FBRSL1: variants seen among roughly 807,000 people sequenced by gnomAD.
FBRSL1 encodes the protein fibrosin-1-like protein.
A neutral mutation model predicts 89.6 loss-of-function variants in FBRSL1; 51 were observed. The observed-to-expected ratio is 0.57, with a 90% confidence interval of 0.45 to 0.72. The LOEUF is 0.72. Among genes scored for constraint, FBRSL1 ranks in the 30% least tolerant of loss-of-function variants. The pLI, the probability that FBRSL1 is intolerant of heterozygous loss-of-function variation, is 0.00. For synonymous variants in FBRSL1, 779 were observed against 681.1 expected, an observed-to-expected ratio of 1.14 and a Z score of -2.24; for missense variants, 1,618 against 1,451.8, an observed-to-expected ratio of 1.11 and a Z score of -1.86.
chr12:132,530,019 A>C (rs1216098184), intron 4 of FBRSL1, among the ~76,000 whole-genome samples: 1 of 152,128 alleles, frequency 6.6e-6, no homozygotes, highest in Admixed American at 6.5e-5. Flanking sequence ...CATGGTCATG[A>C]GTATGATGAC....
intron 4 of FBRSL1, among the ~76,000 whole-genome samples, chr12:132,542,853 A>G (rs2037380175): frequency 6.6e-6 from 1 of 152,220 alleles, no homozygotes; most frequent in Non-Finnish European, 1.5e-5. Context: ...CCGAAGCCAT[A>G]ATTAACACTT....
chr12:132,542,266 C>T (rs554820218), intron 4 of FBRSL1, among the ~76,000 whole-genome samples: 7 of 152,170 alleles, frequency 4.6e-5, no homozygotes, highest in Non-Finnish European at 7.3e-5. Flanking sequence ...CAGGGCCCCA[C>T]GGAGGACACA....
intron 4 of FBRSL1, among the ~76,000 whole-genome samples, chr12:132,543,091 G>T (rs2037402437): frequency 6.6e-6 from 1 of 152,192 alleles, no homozygotes; most frequent in Admixed American, 6.5e-5. Flanking sequence ...GCCTCTGAGG[G>T]ATGAGGGAAG....
chr12:132,506,574 T>C (rs2033713084), intron 1 of FBRSL1, among the ~76,000 whole-genome samples: 3 of 152,260 alleles, frequency 2.0e-5, no homozygotes, highest in Non-Finnish European at 2.9e-5. Flanking sequence ...CCTTGATTTG[T>C]TCCTGCTTTT....
chr12:132,501,168 C>T (rs906895637), intron 1 of FBRSL1, among the ~76,000 whole-genome samples: 7 of 152,190 alleles, frequency 4.6e-5, no homozygotes, highest in Admixed American at 4.6e-4. Context: ...GCCCTGAGGT[C>T]AGAAGTGGGT....
At chr12:132,561,279 C>G (rs558556366) in intron 5 of FBRSL1, among the ~76,000 whole-genome samples, 2 of 152,342 alleles carry the variant, frequency 1.3e-5, no homozygotes, top group South Asian at 2.1e-4. Context: ...CTGGATGGCC[C>G]CAGCCGCGCG....
intron 5 of FBRSL1, among the ~76,000 whole-genome samples, chr12:132,561,096 G>A (rs975776678): frequency 6.6e-6 from 1 of 152,214 alleles, no homozygotes. Context: ...CAGCCCTCCC[G>A]GATGGGCGTG....
intron 10 of FBRSL1, 81 bp from the exon 11 acceptor site, chr12:132,572,446 A>G: frequency 1.3e-6 from 2 of 1,501,546 alleles, no homozygotes; most frequent in Non-Finnish European, 9.1e-7. Flanking sequence ...CCCCTGCTGC[A>G]TTGGTGCCAC....
chr12:132,551,938 G>A (rs954138679), intron 5 of FBRSL1: 2 of 298,082 alleles, frequency 6.7e-6, no homozygotes, highest in African/African-American at 4.3e-5. Context: ...CACCTCCAGG[G>A]ATGGCTGTCT....
At chr12:132,491,759 T>G (rs2031019482) in intron 1 of FBRSL1, among the ~76,000 whole-genome samples, 1 of 152,266 alleles carries the variant, frequency 6.6e-6, no homozygotes, top group Admixed American at 6.5e-5. Flanking sequence ...GCAAGTCCTC[T>G]TCAAGTTCTC....
In FBRSL1 at chr12:132,576,945, C is replaced by CAG. The variant is rs768495913; in HGVS notation, c.1834+14_1834+15insAG. Reference sequence around the variant, plus strand: ...TCCCCAGCACAGGTGAGACTGGAGTCGGGCCAGGTGGGGGGCACAGAAACC... The same window carrying CAG: ...TCCCCAGCACAGGTGAGACTGGAGTCAGGGGCCAGGTGGGGGGCACAGAAACC... On this transcript the variant is annotated intron_variant, in intron 15 of 18. Coordinates refer to ENST00000680143, the MANE Select transcript of FBRSL1 (RefSeq NM_001367871.1). 65 of 1,544,036 alleles carry CAG rather than the reference C, an allele frequency of 4.2e-5. No homozygotes were observed. The African/African-American group carries it at 8.6e-4, about 21-fold the overall frequency.
intron 9 of FBRSL1, chr12:132,571,553 C>T (rs934662174): frequency 3.6e-5 from 48 of 1,338,378 alleles, no homozygotes; most frequent in East Asian, 1.3e-4. Context: ...TGGCAGGGGG[C>T]GGGGGCGGGC....
intron 18 of FBRSL1, among the ~76,000 whole-genome samples, 165 bp from the exon 19 acceptor site, chr12:132,582,806 C>T (rs1026281684): frequency 2.6e-5 from 4 of 152,016 alleles, no homozygotes; most frequent in African/African-American, 4.8e-5. Flanking sequence ...GGGGAGAGGA[C>T]GCGTAGGTTT....
chr12:132,577,343 G>A (rs984344782), intron 15 of FBRSL1, among the ~76,000 whole-genome samples: 8 of 152,112 alleles, frequency 5.3e-5, no homozygotes, highest in Non-Finnish European at 7.4e-5. Flanking sequence ...CCAGGCCCAC[G>A]CGAGGCTGCC....
intron 5 of FBRSL1, chr12:132,560,208 CG>C (rs1457478069): frequency 5.9e-5 from 9 of 151,874 alleles, no homozygotes; most frequent in Non-Finnish European, 1.0e-4. Flanking sequence ...GGACTAGGGG[CG>C]ACTGCCTGGG....
chr12:132,531,728 C>CT, intron 4 of FBRSL1, among the ~76,000 whole-genome samples: 1 of 152,288 alleles, frequency 6.6e-6, no homozygotes, highest in East Asian at 1.9e-4. Context: ...GTGTGCACCC[C>CT]TTGCCACCTG....
chr12:132,581,981 T>C (rs978025353), intron 17 of FBRSL1, 81 bp from the exon 18 acceptor site: 2 of 1,361,612 alleles, frequency 1.5e-6, no homozygotes, highest in Non-Finnish European at 2.0e-6. Flanking sequence ...GGGACCCTTC[T>C]AAAACCCCTA....
intron 2 of FBRSL1, chr12:132,509,710 A>G (rs1353757948): frequency 8.1e-7 from 1 of 1,231,108 alleles, no homozygotes; most frequent in African/African-American, 1.6e-5. Flanking sequence ...ACCCTGTGGC[A>G]CCGCTGCCGA....
In FBRSL1 at chr12:132,583,289, G is replaced by A. The variant is rs1188778272; in HGVS notation, c.2520G>A (p.Leu840=). 2 of 1,144,444 alleles carry A rather than the reference G, an allele frequency of 1.7e-6. No homozygotes were observed. Among genetic ancestry groups the A allele is most frequent in the South Asian group, 2.4e-5 (1 of 41,638 alleles). The allele number at this position is 1,144,444 out of a possible 1,614,324, so 70.9% of individuals were successfully genotyped here. ...ACCCCGCGCCCCTGCAGCTCGGCCT[G>A]GGCCGCGAGCGCCTGGGCGCGCCGG... ...GLHPAPLQLG[L]GRERLGAPGF... The change falls in exon 19 of 19, where the codon CTG becomes CTA. Residue 840 remains leucine (L), a synonymous_variant. Transcript: ENST00000680143.
Sources: allele counts gnomAD v4.1 joint callset (sites outside exome capture counted in the v4.1 genomes callset), GRCh38; gene constraint gnomAD v4.1.1; transcripts MANE v1.5; gene names NCBI Gene and HGNC (gene_info 2026-07-23, HGNC 2026-07-21).